TNRC6C: variants seen among roughly 807,000 people sequenced by gnomAD.
TNRC6C encodes trinucleotide repeat containing adaptor 6C.
In TNRC6C, 20 loss-of-function variants were observed where a neutral mutation model predicts 153.7. The observed-to-expected ratio is 0.13, with a 90% CI of 0.09 to 0.19. The LOEUF (loss-of-function observed/expected upper bound fraction) is 0.19. Ranked by LOEUF, TNRC6C falls within the 10% of genes least tolerant of loss-of-function variation. The pLI is 1.00. For synonymous variants in TNRC6C, 811 were observed against 841.4 expected, an observed-to-expected ratio of 0.96 and a Z score of 0.63; for missense variants, 1,987 against 2,172.0, an observed-to-expected ratio of 0.91 and a Z score of 1.69.
intron 7 of TNRC6C, among the ~76,000 whole-genome samples, chr17:78,074,556 C>A (rs144293701): frequency 6.6e-6 from 1 of 152,328 alleles, no homozygotes; most frequent in Non-Finnish European, 1.5e-5. Flanking sequence ...GTGGGCCAAA[C>A]ACACACTAGT....
At chr17:78,102,718 G>A (rs1283613901) in intron 18 of TNRC6C, 174 bp downstream of exon 21, 25 of 586,934 alleles carry the variant, frequency 4.3e-5, no homozygotes, top group African/African-American at 5.8e-5. Flanking sequence ...CTCCAGCAGC[G>A]GCAGCAGATG....
At chr17:78,027,203 G>T (rs1049296294) in intron 1 of TNRC6C, among the ~76,000 whole-genome samples, 1 of 152,172 alleles carries the variant, frequency 6.6e-6, no homozygotes. Flanking sequence ...TTAGCAGCAA[G>T]AAAGAAATTA....
intron 1 of TNRC6C, among the ~76,000 whole-genome samples, chr17:78,017,989 T>C (rs774076794): frequency 3.9e-5 from 6 of 152,256 alleles, no homozygotes; most frequent in Non-Finnish European, 7.3e-5. Flanking sequence ...ACTGTTCCTT[T>C]TATCATGCTT....
chr17:78,097,417 AGAGGAAATCAGT>A (rs1252845252), intron 16 of TNRC6C, among the ~76,000 whole-genome samples: 2 of 152,150 alleles, frequency 1.3e-5, no homozygotes, highest in African/African-American at 4.8e-5. Flanking sequence ...CTTATTTGGG[AGAGGAAATCAGT>A]GTGGTCCTTT....
At chr17:78,054,315 G>A (rs934588476) in intron 3 of TNRC6C, among the ~76,000 whole-genome samples, 19 of 151,866 alleles carry the variant, frequency 1.3e-4, no homozygotes, top group African/African-American at 4.6e-4. Context: ...TGCAGACTAC[G>A]CACACCACTG....
At chr17:78,018,453 C>T (rs141211079) in intron 1 of TNRC6C, among the ~76,000 whole-genome samples, 195 of 152,148 alleles carry the variant, frequency 1.3e-3, no homozygotes, top group African/African-American at 4.4e-3. Flanking sequence ...TTATATAATA[C>T]TCAGTATTCA....
intron 1 of TNRC6C, among the ~76,000 whole-genome samples, chr17:78,028,116 T>C (rs2071982055): frequency 6.6e-6 from 1 of 152,120 alleles, no homozygotes; most frequent in African/African-American, 2.4e-5. Flanking sequence ...GTCAGGATGG[T>C]CTCGATCTGA....
At chr17:78,090,806 T>G (rs2073379905) in intron 13 of TNRC6C, among the ~76,000 whole-genome samples, 1 of 152,226 alleles carries the variant, frequency 6.6e-6, no homozygotes, top group South Asian at 2.1e-4. Flanking sequence ...AGTAGTTTGA[T>G]ACTTAATTCA....
intron 1 of TNRC6C, among the ~76,000 whole-genome samples, chr17:77,982,984 A>G (rs777623651): frequency 5.9e-5 from 9 of 152,218 alleles, no homozygotes; most frequent in Non-Finnish European, 1.3e-4. Context: ...ACCTAATAAC[A>G]GAGCTTTAAA....
chr17:78,001,226 C>T (rs16970732), upstream of TNRC6C, among the ~76,000 whole-genome samples: 6,522 of 152,242 alleles, frequency 0.043, 299 homozygotes, highest in East Asian at 0.18. Flanking sequence ...AAACTCAGTA[C>T]AGAGGGATCC....
At position 78,104,575 on chromosome 17, in the gene TNRC6C, C is replaced by T; in HGVS notation, c.4803C>T (p.Pro1601=). The T allele has an allele frequency of 1.9e-6, 3 of 1,553,506 alleles. No homozygotes were observed. The highest frequency in any genetic ancestry group is 2.6e-6 in the Non-Finnish European group (3 of 1,148,354). ...TAGCCCAAGGCCAGGCGCTGCCACC[C>T]ACTTCCAGCTGGCAGTCCAGCAGCG... The change falls in exon 20 of 20, where the codon CCC becomes CCT. Residue 1601 remains proline (P), a synonymous_variant. Coordinates refer to ENST00000301624, the Ensembl canonical transcript of TNRC6C. The surrounding 1 kb of genome is among the most constrained non-coding windows in gnomAD (Gnocchi z 6.2).
intron 3 of TNRC6C, among the ~76,000 whole-genome samples, chr17:78,063,479 G>C (rs1017610214): frequency 6.6e-6 from 1 of 151,976 alleles, no homozygotes; most frequent in Non-Finnish European, 1.5e-5. Context: ...TCACACCCGT[G>C]TTGTCAAGGG....
rs542900073 is a variant in TNRC6C, at chr17:78,051,388, G to A, written c.2326G>A (p.Glu776Lys). The change falls in exon 3 of 20, where the codon GAG (glutamate) becomes AAG (lysine). Residue 776 changes from glutamate (E) to lysine (K), a missense_variant. Glu to Lys is a moderately conservative substitution (Grantham distance 56, BLOSUM62 1). Around this residue, in one of 4 missense-constraint regions of TNRC6C, gnomAD observed 1,052 missense variants for 1,017.0 expected, o/e 1.03. Coordinates refer to ENST00000301624, the Ensembl canonical transcript of TNRC6C. ...CACGAGCAACACCACACACAGGGTCGAGACGCCGCCCCCGCACCAGGCCGG... is the reference window on the plus strand; with the variant it reads ...CACGAGCAACACCACACACAGGGTCAAGACGCCGCCCCCGCACCAGGCCGG... 3.9e-5 allele frequency: 61 copies of A among 1,549,426 alleles called. No homozygotes were observed. The Admixed American group carries it at 6.1e-4, about 15-fold the overall frequency.
At chr17:77,981,469 C>T (rs2071076665) in intron 1 of TNRC6C, among the ~76,000 whole-genome samples, 1 of 152,170 alleles carries the variant, frequency 6.6e-6, no homozygotes, top group South Asian at 2.1e-4. Context: ...TACAAAAAGA[C>T]ATTACTTTGG....
At chr17:78,006,901 T>C (rs1236798412) in intron 1 of TNRC6C, among the ~76,000 whole-genome samples, 1 of 151,510 alleles carries the variant, frequency 6.6e-6, no homozygotes, top group Non-Finnish European at 1.5e-5. Context: ...TGATCTCGGC[T>C]CACTGCAACC....
intron 1 of TNRC6C, among the ~76,000 whole-genome samples, chr17:78,009,031 C>T (rs966350079): frequency 5.9e-5 from 9 of 152,158 alleles, no homozygotes; most frequent in South Asian, 2.1e-4. Context: ...TGCTGAATAT[C>T]GTCTTTGCGT....
chr17:78,059,487 C>G (rs2072723134), intron 3 of TNRC6C, among the ~76,000 whole-genome samples: 1 of 152,078 alleles, frequency 6.6e-6, no homozygotes, highest in African/African-American at 2.4e-5. Flanking sequence ...CGTGTGAACC[C>G]CACATGCAAA....
intron 3 of TNRC6C, among the ~76,000 whole-genome samples, chr17:78,054,878 A>T (rs1445037468): frequency 2.0e-5 from 3 of 151,960 alleles, no homozygotes; most frequent in African/African-American, 7.3e-5. Flanking sequence ...ACCACTGCAG[A>T]CTACTGTACG....
At chr17:77,975,302 A>G (rs1475926731) in intron 1 of TNRC6C, among the ~76,000 whole-genome samples, 2 of 152,238 alleles carry the variant, frequency 1.3e-5, no homozygotes, top group African/African-American at 4.8e-5. Flanking sequence ...TTAAAGTATA[A>G]CATTCAATAA....
Sources: gnomAD v4.1 joint callset for allele counts (sites outside exome capture counted in the v4.1 genomes callset) on GRCh38, gnomAD v4.1.1 for gene constraint, gnomAD v4.1.1 regional missense constraint, Gnocchi (gnomAD v3.1) non-coding constraint, MANE v1.5 for transcripts, NCBI Gene and HGNC (gene_info 2026-07-23, HGNC 2026-07-21) for gene names.